The following MICAL2 variants were observed in gnomAD, a reference collection of about 807,000 sequenced individuals.
The protein encoded by MICAL2 is [F-actin]-monooxygenase MICAL2.
MICAL2 carries 77 observed loss-of-function variants against 127.3 expected under a neutral mutation model. That is an observed-to-expected ratio of 0.60 (90% confidence interval 0.50 to 0.73). MICAL2 has a LOEUF of 0.73. Among genes scored for constraint, MICAL2 ranks in the 30% least tolerant of loss-of-function variants. The pLI is 0.00. For missense variants in MICAL2, 1,351 were observed against 1,434.4 expected, an observed-to-expected ratio of 0.94 and a Z score of 0.94; for synonymous variants, 570 against 551.1, an observed-to-expected ratio of 1.03 and a Z score of -0.48.
chr11:12,248,401 G>A (rs151035875), intron 21 of MICAL2, among the ~76,000 whole-genome samples: 112 of 152,262 alleles, frequency 7.4e-4, no homozygotes, highest in South Asian at 5.6e-3. Context: ...CCTATCAGCC[G>A]TTAGTTACTT....
In MICAL2 at chr11:12,257,034, G is replaced by T. The variant is rs567638157; in HGVS notation, c.3142+63G>T. The T allele has an allele frequency of 1.3e-4, 201 of 1,507,870 alleles. 4 individuals are homozygous for T. In the South Asian group the frequency reaches 2.4e-3, roughly 18 times the overall value. 93.4% of individuals were successfully genotyped at this position (1,507,870 alleles called of 1,614,324 possible). A position where few individuals can be genotyped will look rare whatever the true frequency, so the allele number is the denominator to read the frequency against. On this transcript the variant is annotated intron_variant, in intron 24 of 27. Coordinates refer to ENST00000683283, the MANE Select transcript of MICAL2 (RefSeq NM_001282663.2). Reference sequence around the variant, plus strand: ...TTGGCCTCAGGTGTGACCTTGGCTCGGGTTCCTGTCCCTCTGGTGGCTCTA... The same window carrying T: ...TTGGCCTCAGGTGTGACCTTGGCTCTGGTTCCTGTCCCTCTGGTGGCTCTA...
intron 32 of MICAL2, among the ~76,000 whole-genome samples, chr11:12,344,975 T>G (rs530190850): frequency 3.7e-4 from 56 of 150,880 alleles, no homozygotes; most frequent in South Asian, 1.0e-3. Flanking sequence ...TAGCTGGTGT[T>G]GTGGTGGGCG....
chr11:12,286,742 G>A (rs1048792383), intron 2 of MICAL2, among the ~76,000 whole-genome samples: 3 of 152,140 alleles, frequency 2.0e-5, no homozygotes, highest in Admixed American at 2.0e-4. Flanking sequence ...GCGTGTCGTG[G>A]TGCATGCCTA....
intron 3 of MICAL2, among the ~76,000 whole-genome samples, chr11:12,200,348 C>T (rs192389333): frequency 1.9e-4 from 29 of 152,322 alleles, no homozygotes; most frequent in Admixed American, 1.5e-3. Context: ...TCCTTCGGGT[C>T]GAGTTATCAC....
intron 3 of MICAL2, among the ~76,000 whole-genome samples, chr11:12,183,099 C>T (rs1351537604): frequency 6.6e-6 from 1 of 151,682 alleles, no homozygotes; most frequent in Non-Finnish European, 1.5e-5. Context: ...TTTCTTTGTT[C>T]AGGAAGTTAG....
intron 16 of MICAL2, among the ~76,000 whole-genome samples, chr11:12,237,396 A>T (rs1859236556): frequency 6.6e-6 from 1 of 152,176 alleles, no homozygotes; most frequent in African/African-American, 2.4e-5. Flanking sequence ...GGAAGCGGAG[A>T]CTGCACAAGG....
intron 29 of MICAL2, among the ~76,000 whole-genome samples, chr11:12,309,847 T>C (rs1864151375): frequency 6.6e-6 from 1 of 152,152 alleles, no homozygotes; most frequent in Admixed American, 6.5e-5. Flanking sequence ...TTTTGATTTT[T>C]TGGTCTTTTT....
chr11:12,133,859 G>A (rs1851622258), intron 1 of MICAL2, among the ~76,000 whole-genome samples: 1 of 152,190 alleles, frequency 6.6e-6, no homozygotes, highest in African/African-American at 2.4e-5. Context: ...TGTGTCTCAG[G>A]GCTGCGCTTT....
intron 22 of MICAL2, among the ~76,000 whole-genome samples, chr11:12,250,844 C>T (rs912240156): frequency 6.6e-6 from 1 of 152,166 alleles, no homozygotes. Context: ...TTCTCTTGAC[C>T]AGCCTCCCCA....
At chr11:12,198,201 A>G (rs766613443) in intron 3 of MICAL2, among the ~76,000 whole-genome samples, 8 of 152,194 alleles carry the variant, frequency 5.3e-5, no homozygotes, top group Non-Finnish European at 8.8e-5. Flanking sequence ...TACCACGGCT[A>G]TGTCATTTAA....
At chr11:12,152,789 G>T (rs1464182771) in intron 2 of MICAL2, among the ~76,000 whole-genome samples, 1 of 152,068 alleles carries the variant, frequency 6.6e-6, no homozygotes, top group South Asian at 2.1e-4. Flanking sequence ...ATAAAAAACA[G>T]CAAATGTCTT....
chr11:12,361,071 C>T (rs1939198232), downstream of MICAL2, among the ~76,000 whole-genome samples: 1 of 152,134 alleles, frequency 6.6e-6, no homozygotes, highest in South Asian at 2.1e-4. Context: ...TGCAGTGCCC[C>T]ATAAAAGGGC....
chr11:12,244,075 C>G lies in MICAL2; in HGVS notation c.2747C>G (p.Ser916Cys). 1 of 1,614,220 alleles carries G rather than the reference C, an allele frequency of 6.2e-7. No individual in the cohort carries two copies. The highest frequency in any genetic ancestry group is 8.5e-7 in the Non-Finnish European group (1 of 1,180,020). Residue 916 changes from serine to cysteine, a missense_variant, in exon 21 of 28, where the codon TCT (serine) becomes TGT (cysteine). By Grantham distance (112) the Ser-to-Cys change is moderately radical (BLOSUM62 -1). Transcript: ENST00000683283. ...TCTCCTGATCCAGCTGCTTCTTCCT[C>G]TCCATCAACTGTTGACTCTGCTTCT... ...LPSPDPAASS[S>C]PSTVDSASPA...
chr11:12,296,245 G>A (rs1302753847), downstream of MICAL2, among the ~76,000 whole-genome samples: 2 of 151,546 alleles, frequency 1.3e-5, no homozygotes, highest in Non-Finnish European at 2.9e-5. Context: ...GATCAACTTT[G>A]TTTTTCTTTT....
At chr11:12,284,449 A>G (rs1863804024) in intron 2 of MICAL2, among the ~76,000 whole-genome samples, 1 of 152,108 alleles carries the variant, frequency 6.6e-6, no homozygotes, top group African/African-American at 2.4e-5. Flanking sequence ...GCATTACTAG[A>G]TGAAGTCATT....
chr11:12,256,191 T>C, intron 23 of MICAL2: 1 of 164,440 alleles, frequency 6.1e-6, no homozygotes, highest in Non-Finnish European at 1.3e-5. Flanking sequence ...CCAGGAATTT[T>C]AGTTGACCAT....
chr11:12,302,604 G>A (rs909230840), intron 29 of MICAL2, among the ~76,000 whole-genome samples: 1 of 151,858 alleles, frequency 6.6e-6, no homozygotes, highest in African/African-American at 2.4e-5. Flanking sequence ...CTTTTATTGT[G>A]TTGTCTTCTC....
At chr11:12,156,759 C>T (rs573982496) in intron 2 of MICAL2, among the ~76,000 whole-genome samples, 34 of 152,344 alleles carry the variant, frequency 2.2e-4, no homozygotes, top group African/African-American at 7.7e-4. Flanking sequence ...GAAGGCATCT[C>T]GCACTGCTGA....
intron 31 of MICAL2, among the ~76,000 whole-genome samples, chr11:12,326,198 A>T (rs1030243144): frequency 6.6e-6 from 1 of 152,154 alleles, no homozygotes; most frequent in Non-Finnish European, 1.5e-5. Flanking sequence ...AGACAGAGTA[A>T]AGTAAAACAG....
Sources: gnomAD v4.1 joint callset for allele counts (sites outside exome capture counted in the v4.1 genomes callset) on GRCh38, gnomAD v4.1.1 for gene constraint, MANE v1.5 for transcripts, NCBI Gene and HGNC (gene_info 2026-07-23, HGNC 2026-07-21) for gene names.